Variants in NEU1 observed in about 807,000 individuals in gnomAD.
NEU1 encodes the protein neuraminidase 1.
In NEU1, 32 loss-of-function variants were observed where a neutral mutation model predicts 38.3. The ratio of observed to expected loss-of-function variants is 0.84; its 90% confidence interval spans 0.63 to 1.12. The LOEUF is 1.12. Ranked by LOEUF, NEU1 falls within the 50% of genes most tolerant of loss-of-function variation. The pLI, the probability that NEU1 is intolerant of heterozygous loss-of-function variation, is 0.00. For synonymous variants in NEU1, 192 were observed against 225.2 expected (o/e 0.85, Z 1.32); for missense variants, 431 against 549.2 (o/e 0.78, Z 2.15).
At position 31,857,779 on chromosome 6, in the gene NEU1, G is replaced by A. The variant is rs1762356564; in HGVS notation, c.*1940C>T. 2 of 152,050 alleles carry A rather than the reference G, an allele frequency of 1.3e-5. No individual in the cohort carries two copies. Among genetic ancestry groups the A allele is most frequent in the African/African-American group, 4.8e-5 (2 of 41,402 alleles). 9.4% of individuals were successfully genotyped at this position (152,050 alleles called of 1,614,324 possible). On this transcript the variant is annotated 3_prime_UTR_variant, in exon 6 of 6. Coordinates refer to ENST00000375631, the MANE Select transcript of NEU1 (RefSeq NM_000434.4). Reference sequence around the variant, plus strand: ...TGCTCACTTCTCTGTCAGGCTAGCTGGGACAGGATTCCCATCTGCATTTCA... The same window carrying A: ...TGCTCACTTCTCTGTCAGGCTAGCTAGGACAGGATTCCCATCTGCATTTCA...
At position 31,862,761 on chromosome 6, in the gene NEU1, G is replaced by A. The variant is rs755533753; in HGVS notation, c.16C>T (p.Pro6Ser). 1.2e-6 allele frequency: 2 copies of A among 1,612,872 alleles called. No individual in the cohort carries two copies. The highest frequency in any genetic ancestry group is 2.2e-5 in the East Asian group (1 of 44,878). The change falls in exon 1 of 6, where the codon CCC becomes TCC. Residue 6 changes from proline to serine, a missense_variant. By Grantham distance (74) the Pro-to-Ser change is moderately conservative. Coordinates refer to ENST00000375631, the MANE Select transcript of NEU1 (RefSeq NM_000434.4). The surrounding 1 kb of genome is among the most constrained non-coding windows in gnomAD (Gnocchi z 6.3). ...CGTCTGTCCGGGAGCGCCGTGCTGG[G>A]TCGCTCCCCAGTCATCTCTCCCCGC... Reference protein sequence around the residue: MTGERPSTALPDRRWG... With the variant: MTGERSSTALPDRRWG...
Position 31,860,851 on chromosome 6 carries a change from A to G in NEU1, c.616-230T>C. On this transcript the variant is annotated intron_variant, in intron 3 of 5. Coordinates refer to ENST00000375631, the MANE Select transcript of NEU1 (RefSeq NM_000434.4). The surrounding 1 kb of genome is among the most constrained non-coding windows in gnomAD (Gnocchi z 4.8). ...CACCAGGGGCCCAGCCACAGGGTGC[A>G]TGAGAGCTTAAACCCAACCTGTGCT... is the stretch of plus-strand genomic sequence containing the variant. 1 of 635,058 alleles carries G rather than the reference A, an allele frequency of 1.6e-6. No individual in the cohort carries two copies. Among genetic ancestry groups the G allele is most frequent in the South Asian group, 1.9e-5 (1 of 53,092 alleles). 39.3% of individuals were successfully genotyped at this position (635,058 alleles called of 1,614,324 possible).
In NEU1 at chr6:31,862,732, C is replaced by G. The variant is rs768711214; in HGVS notation, c.45G>C (p.Trp15Cys). The G allele has an allele frequency of 2.5e-6, 4 of 1,613,054 alleles. No homozygotes were observed. The highest frequency in any genetic ancestry group is 3.4e-6 in the Non-Finnish European group (4 of 1,180,040). The change falls in exon 1 of 6, where the codon TGG (tryptophan) becomes TGC (cysteine). Residue 15 changes from tryptophan to cysteine, a missense_variant. Trp to Cys is a radical substitution (Grantham distance 215). Transcript: ENST00000375631. This position sits in a 1 kb window ranked among gnomAD's most constrained non-coding sequence, Gnocchi z 6.3. ...CCCAGAAGCCCAGAATCCGCGGCCC[C>G]CAGCGTCTGTCCGGGAGCGCCGTGC... Reference protein sequence around the residue: ...RPSTALPDRRWGPRILGFWGG... With the variant: ...RPSTALPDRRCGPRILGFWGG...
chr6:31,859,333 C>A lies in NEU1; in HGVS notation c.*386G>T, dbSNP rs897378670. The A allele has an allele frequency of 5.1e-6, 2 of 391,114 alleles. No individual in the cohort carries two copies. The highest frequency in any genetic ancestry group is 9.7e-6 in the Non-Finnish European group (2 of 207,070). The allele number at this position is 391,114 out of a possible 1,614,324, so 24.2% of individuals were successfully genotyped here. On this transcript the variant is annotated 3_prime_UTR_variant, in exon 6 of 6. Transcript: ENST00000375631. ...ATCTGGGGACTTTCACCAGCCCTGT[C>A]GGTTATCTTACCGCAACACCAAAGA... is the stretch of plus-strand genomic sequence containing the variant.
chr6:31,861,383 C>T lies in NEU1; in HGVS notation c.420G>A (p.Gly140=). Residue 140 remains glycine, a synonymous_variant, in exon 3 of 6, where the codon GGG becomes GGA. Coordinates refer to ENST00000375631, the MANE Select transcript of NEU1 (RefSeq NM_000434.4). ...CTGTCTCAACATCGCTCACTACTGCCCCAAGGTTCAGCCCATCGGGGACAT... is the reference window on the plus strand; with the variant it reads ...CTGTCTCAACATCGCTCACTACTGCTCCAAGGTTCAGCCCATCGGGGACAT... ...DGDVPDGLNL[G]AVVSDVETGV... 1 of 1,612,976 alleles carries T rather than the reference C, an allele frequency of 6.2e-7. No homozygotes were observed. Among genetic ancestry groups the T allele is most frequent in the Non-Finnish European group, 8.5e-7 (1 of 1,180,028 alleles).
rs113281748 is a variant in NEU1, at chr6:31,861,255, G to A, written c.548C>T (p.Thr183Ile). 1 of 1,612,988 alleles carries A rather than the reference G, an allele frequency of 6.2e-7. No individual in the cohort carries two copies. Among genetic ancestry groups the A allele is most frequent in the African/African-American group, 1.3e-5 (1 of 75,044 alleles). ...AATATCCAGGGAGAGATTCCGGGGT[G>A]TGCTCCAGGAAACACCATCATCCTT... ...WSKDDGVSWS[T>I]PRNLSLDIGT... Residue 183 changes from threonine (T) to isoleucine (I), a missense_variant, in exon 3 of 6, where the codon ACA becomes ATA. By Grantham distance (89) the Thr-to-Ile change is moderately conservative. Transcript: ENST00000375631.
Position 31,862,244 on chromosome 6 carries a change from A to G in NEU1, c.160-53T>C. On this transcript the variant is annotated intron_variant, in intron 1 of 5. Transcript: ENST00000375631. The surrounding 1 kb of genome is among the most constrained non-coding windows in gnomAD (Gnocchi z 6.3). ...AAGACAAACTTGTCTTGGGGGTTTTAGGAACCCACGTTCCGATGGGAGAGG... is the reference window on the plus strand; with the variant it reads ...AAGACAAACTTGTCTTGGGGGTTTTGGGAACCCACGTTCCGATGGGAGAGG... The G allele has an allele frequency of 6.3e-7, 1 of 1,593,852 alleles. No homozygotes were observed. The highest frequency in any genetic ancestry group is 1.7e-5 in the Admixed American group (1 of 59,252).
At position 31,859,284 on chromosome 6, in the gene NEU1, T is replaced by C. The variant is rs575570951; in HGVS notation, c.*435A>G. Reference sequence around the variant, plus strand: ...CAGTCATGGTGGTGCACCTAGTCCTTACTCTGAAACCAAATATCCTGCCAT... The same window carrying C: ...CAGTCATGGTGGTGCACCTAGTCCTCACTCTGAAACCAAATATCCTGCCAT... On this transcript the variant is annotated 3_prime_UTR_variant, in exon 6 of 6. Coordinates refer to ENST00000375631, the MANE Select transcript of NEU1 (RefSeq NM_000434.4). The C allele has an allele frequency of 3.0e-6, 1 of 334,342 alleles. No homozygotes were observed. The highest frequency in any genetic ancestry group is 5.8e-6 in the Non-Finnish European group (1 of 173,706). The allele number at this position is 334,342 out of a possible 1,614,324, so 20.7% of individuals were successfully genotyped here.
chr6:31,860,710 A>C lies in NEU1; in HGVS notation c.616-89T>G, dbSNP rs1762478243. 1 of 1,415,232 alleles carries C rather than the reference A, an allele frequency of 7.1e-7. No individual in the cohort carries two copies. The highest frequency in any genetic ancestry group is 1.4e-5 in the African/African-American group (1 of 71,000). The allele number at this position is 1,415,232 out of a possible 1,614,324, so 87.7% of individuals were successfully genotyped here. On this transcript the variant is annotated intron_variant, in intron 3 of 5. Transcript: ENST00000375631. This position sits in a 1 kb window ranked among gnomAD's most constrained non-coding sequence, Gnocchi z 4.8. ...AACCCACCACTTCCCAAATGCAATC[A>C]CATGTATGGTCCCCTTGAGTTCAGC...
At position 31,859,255 on chromosome 6, in the gene NEU1, T is replaced by C. The variant is rs1762407454; in HGVS notation, c.*464A>G. The C allele has an allele frequency of 7.5e-6, 2 of 267,822 alleles. No homozygotes were observed. The highest frequency in any genetic ancestry group is 1.0e-4 in the South Asian group (2 of 20,088). The allele number at this position is 267,822 out of a possible 1,614,324, so 16.6% of individuals were successfully genotyped here. A position where few individuals can be genotyped will look rare whatever the true frequency, so the allele number is the denominator to read the frequency against. ...TTTAAGTTACAAACATTTTGATTGA[T>C]AGTCAGTCATGGTGGTGCACCTAGT... On this transcript the variant is annotated 3_prime_UTR_variant, in exon 6 of 6. Transcript: ENST00000375631.
rs1562432635 is a variant in NEU1 at position 31,860,785 on chromosome 6, T to C, written c.616-164A>G. The C allele has an allele frequency of 6.5e-6, 5 of 766,936 alleles. No homozygotes were observed. Among genetic ancestry groups the C allele is most frequent in the Non-Finnish European group, 1.1e-5 (5 of 453,588 alleles). 47.5% of individuals were successfully genotyped at this position (766,936 alleles called of 1,614,324 possible). On this transcript the variant is annotated intron_variant, in intron 3 of 5. Transcript: ENST00000375631. The surrounding 1 kb of genome is among the most constrained non-coding windows in gnomAD (Gnocchi z 4.8). ...AGATCCCATAAATACACACCCTGTT[T>C]GAATTAAGAAGCTCTCCCAGGGTGT...
rs1442740831 is a variant in NEU1, at chr6:31,857,813, C to A, written c.*1906G>T. ...TTCCCATCTGCATTTCACACACTTG[C>A]ACCCTATTTCATGGAGGATGGTATC... On this transcript the variant is annotated 3_prime_UTR_variant, in exon 6 of 6. Coordinates refer to ENST00000375631, the MANE Select transcript of NEU1 (RefSeq NM_000434.4). 6.6e-6 allele frequency: 1 copy of A among 152,118 alleles called. No individual in the cohort carries two copies. The highest frequency in any genetic ancestry group is 1.5e-5 in the Non-Finnish European group (1 of 68,026). 9.4% of individuals were successfully genotyped at this position (152,118 alleles called of 1,614,324 possible).
In NEU1 at chr6:31,862,669, C is replaced by G. The variant is rs1487166051; in HGVS notation, c.108G>C (p.Leu36=). ...ACCAGGAGGCTGCCAGAGACAGCAG[C>G]AGGAAGATCGCGGCAAACACCCAAA... ...CRVWVFAAIF[L]LLSLAASWSK... Residue 36 remains leucine (L), a synonymous_variant, in exon 1 of 6, where the codon CTG becomes CTC. Coordinates refer to ENST00000375631, the MANE Select transcript of NEU1 (RefSeq NM_000434.4). The surrounding 1 kb of genome is among the most constrained non-coding windows in gnomAD (Gnocchi z 6.3). 1.2e-6 allele frequency: 2 copies of G among 1,612,902 alleles called. No homozygotes were observed. The highest frequency in any genetic ancestry group is 1.3e-5 in the African/African-American group (1 of 74,898).
Position 31,860,443 on chromosome 6 carries a change from C to T in NEU1, c.794G>A (p.Cys265Tyr), listed in dbSNP as rs562414610. The T allele has an allele frequency of 6.2e-7, 1 of 1,613,986 alleles. No homozygotes were observed. The highest frequency in any genetic ancestry group is 1.7e-5 in the Admixed American group (1 of 60,010). The change falls in exon 4 of 6, where the codon TGC becomes TAC. Residue 265 changes from cysteine to tyrosine, a missense_variant. Cys to Tyr is a radical substitution (Grantham distance 194). Transcript: ENST00000375631. The surrounding 1 kb of genome is among the most constrained non-coding windows in gnomAD (Gnocchi z 4.8). ...KQENDFNPDE[C>Y]QPYELPDGSV... is the part of the protein sequence containing the mutation. ...AACATCTCATGGACTCCTGACCTGG[C>T]ATTCATCAGGATTGAAATCATTTTC...
rs1762417365 is a variant in NEU1, at chr6:31,859,465, G to T, written c.*254C>A. The T allele has an allele frequency of 3.3e-6, 2 of 612,340 alleles. No individual in the cohort carries two copies. Among genetic ancestry groups the T allele is most frequent in the African/African-American group, 1.8e-5 (1 of 54,512 alleles). 37.9% of individuals were successfully genotyped at this position (612,340 alleles called of 1,614,324 possible). ...TCAATGTCCCGGGAGGGCAGAGAGG[G>T]TGGTGGGGCCACACTTAGCCATATG... On this transcript the variant is annotated 3_prime_UTR_variant, in exon 6 of 6. Coordinates refer to ENST00000375631, the MANE Select transcript of NEU1 (RefSeq NM_000434.4).
Position 31,860,351 on chromosome 6 carries a change from GCAGT to G in NEU1, c.798+84_798+87del, listed in dbSNP as rs1762460095. 6.2e-7 allele frequency: 1 copy of G among 1,601,906 alleles called. No individual in the cohort carries two copies. The highest frequency in any genetic ancestry group is 1.3e-5 in the African/African-American group (1 of 74,602). ...GCAAGGGTGTGTGGCACTGAGTGGAGCAGTCAGACCCTGGGTCTGTGCGTGAAAT... is the reference window on the plus strand; with the variant it reads ...GCAAGGGTGTGTGGCACTGAGTGGAGCAGACCCTGGGTCTGTGCGTGAAAT... On this transcript the variant is annotated intron_variant, in intron 4 of 5. Coordinates refer to ENST00000375631, the MANE Select transcript of NEU1 (RefSeq NM_000434.4). The surrounding 1 kb of genome is among the most constrained non-coding windows in gnomAD (Gnocchi z 4.8).
In NEU1 at chr6:31,859,773, G is replaced by A; in HGVS notation, c.1194C>T (p.Asn398=). 1 of 1,613,036 alleles carries A rather than the reference G, an allele frequency of 6.2e-7. No homozygotes were observed. ...QLYVLYEKGR[N]HYTESISVAK... is the part of the protein sequence containing the mutation. ...CCACGGAGATGCTCTCTGTGTAGTGGTTCCGGCCTTTCTCATACAGGACGT... is the reference window on the plus strand; with the variant it reads ...CCACGGAGATGCTCTCTGTGTAGTGATTCCGGCCTTTCTCATACAGGACGT... The change falls in exon 6 of 6, where the codon AAC becomes AAT. Residue 398 remains asparagine, a synonymous_variant. Coordinates refer to ENST00000375631, the MANE Select transcript of NEU1 (RefSeq NM_000434.4).
chr6:31,859,868 G>A lies in NEU1; in HGVS notation c.1099C>T (p.Pro367Ser). The change falls in exon 6 of 6, where the codon CCC becomes TCC. Residue 367 changes from proline to serine, a missense_variant. Transcript: ENST00000375631. ...RKETVQLWPG[P>S]SGYSSLATLE... The stretch of plus-strand genomic sequence containing the variant: ...GTTGCCAGGGATGAATAGCCACTGG[G>A]GCCTGGCCATAGCTGGACTGTCTCT... 1 of 1,613,054 alleles carries A rather than the reference G, an allele frequency of 6.2e-7. No individual in the cohort carries two copies. The highest frequency in any genetic ancestry group is 8.5e-7 in the Non-Finnish European group (1 of 1,180,028).
Position 31,860,909 on chromosome 6 carries a change from T to A in NEU1, c.615+279A>T, listed in dbSNP as rs770793400. The A allele has an allele frequency of 8.3e-5, 51 of 617,878 alleles. No individual in the cohort carries two copies. The highest frequency in any genetic ancestry group is 1.8e-5 in the African/African-American group (1 of 54,142). 38.3% of individuals were successfully genotyped at this position (617,878 alleles called of 1,614,324 possible). A position where few individuals can be genotyped will look rare whatever the true frequency, so the allele number is the denominator to read the frequency against. The stretch of plus-strand genomic sequence containing the variant: ...CAAGCTGTGCACCCTGGCACAGGCT[T>A]GTGTCTGTCCAAAGAGGCAGTGCCT... On this transcript the variant is annotated intron_variant, in intron 3 of 5. Transcript: ENST00000375631. This position sits in a 1 kb window ranked among gnomAD's most constrained non-coding sequence, Gnocchi z 4.8.
Sources: gnomAD v4.1 joint callset for allele counts on GRCh38, gnomAD v4.1.1 for gene constraint, Gnocchi (gnomAD v3.1) non-coding constraint, MANE v1.5 for transcripts, NCBI Gene and HGNC (gene_info 2026-07-23, HGNC 2026-07-21) for gene names.